The following CAMTA1 variants were observed in gnomAD, a reference collection of about 807,000 sequenced individuals.
The protein encoded by CAMTA1 is calmodulin binding transcription activator 1, also known as calmodulin-binding transcription activator 1.
In CAMTA1, 27 loss-of-function variants were observed where a neutral mutation model predicts 170.9. The ratio of observed to expected loss-of-function variants is 0.16; its 90% CI spans 0.12 to 0.22. The LOEUF is 0.22. Among genes scored for constraint, CAMTA1 ranks in the 10% least tolerant of loss-of-function variants. The pLI is 1.00. For synonymous variants in CAMTA1, 833 were observed against 891.5 expected (o/e 0.93, Z 1.17); for missense variants, 1,619 against 2,217.2 (o/e 0.73, Z 5.42).
At chr1:7,336,695 G>A (rs145735771) in intron 5 of CAMTA1, among the ~76,000 whole-genome samples, 3 of 152,346 alleles carry the variant, frequency 2.0e-5, no homozygotes, top group African/African-American at 7.2e-5. Flanking sequence ...AGGCCAGGGC[G>A]AGGAACCTGG....
chr1:7,753,062 C>T (rs80158237), intron 21 of CAMTA1, among the ~76,000 whole-genome samples: 4,778 of 152,188 alleles, frequency 0.031, 105 homozygotes, highest in Non-Finnish European at 0.053. Context: ...AAAGCCGGTC[C>T]GTGATGAGGA....
intron 3 of CAMTA1, among the ~76,000 whole-genome samples, chr1:6,976,923 T>A (rs1693533594): frequency 6.6e-6 from 1 of 152,130 alleles, no homozygotes; most frequent in South Asian, 2.1e-4. Flanking sequence ...ATCTGATGGT[T>A]TTATAAAGGG....
chr1:7,186,198 T>C (rs192130863), intron 4 of CAMTA1, among the ~76,000 whole-genome samples: 198 of 151,958 alleles, frequency 1.3e-3, no homozygotes, highest in Non-Finnish European at 1.8e-3. Flanking sequence ...GAAGGAAGGG[T>C]AAAGAAAGCA....
At position 7,274,668 on chromosome 1, in the gene CAMTA1, A is replaced by T. The variant is rs142199112; in HGVS notation, c.438+25042A>T. On this transcript the variant is annotated intron_variant, in intron 5 of 22. Coordinates refer to ENST00000303635, the MANE Select transcript of CAMTA1 (RefSeq NM_015215.4). Reference sequence around the variant, plus strand: ...TCTTACACATAGAACATTTATTAATATAAACTATATACTGTGTCATAAAAC... The same window carrying T: ...TCTTACACATAGAACATTTATTAATTTAAACTATATACTGTGTCATAAAAC... 2.3e-3 allele frequency among the ~76,000 whole-genome samples: 353 copies of T among 152,356 alleles called. 2 individuals are homozygous for T. Among genetic ancestry groups the T allele is most frequent in the African/African-American group, 8.2e-3 (341 of 41,584 alleles).
chr1:6,851,994 A>G (rs1280164861), intron 3 of CAMTA1, among the ~76,000 whole-genome samples: 2 of 149,222 alleles, frequency 1.3e-5, no homozygotes, highest in African/African-American at 4.9e-5. Flanking sequence ...AGCCTAGGTG[A>G]GAGTGAGACT....
chr1:7,018,232 C>T (rs909861816), intron 3 of CAMTA1, among the ~76,000 whole-genome samples: 3 of 148,982 alleles, frequency 2.0e-5, no homozygotes, highest in Non-Finnish European at 4.4e-5. Flanking sequence ...TCTCTCGACT[C>T]CTGGGTCAGA....
intron 4 of CAMTA1, among the ~76,000 whole-genome samples, chr1:7,201,756 A>G (rs930143847): frequency 6.6e-6 from 1 of 152,148 alleles, no homozygotes; most frequent in Non-Finnish European, 1.5e-5. Context: ...TTTATTATTA[A>G]GTTGTAAGAG....
Position 7,729,860 on chromosome 1 carries a change from C to T in CAMTA1, c.2915-2588C>T, listed in dbSNP as rs148997089. On this transcript the variant is annotated intron_variant, in intron 11 of 22. Transcript: ENST00000303635. ...CCTGTTGTTTTCTCTCACATGGAAC[C>T]GTCGTACGCTTTGCTCGCTAGTCTT... 2.4e-4 allele frequency among the ~76,000 whole-genome samples: 37 copies of T among 152,342 alleles called. No homozygotes were observed. In the East Asian group the frequency reaches 3.9e-3, roughly 16 times the overall value.
chr1:7,551,674 T>A (rs953753339), intron 6 of CAMTA1, among the ~76,000 whole-genome samples: 13 of 152,196 alleles, frequency 8.5e-5, no homozygotes, highest in African/African-American at 2.9e-4. Flanking sequence ...TAGGGCCTGA[T>A]CAGGCCTGGG....
At chr1:7,468,867 C>G (rs189571827) in intron 6 of CAMTA1, among the ~76,000 whole-genome samples, 35 of 152,284 alleles carry the variant, frequency 2.3e-4, no homozygotes, top group African/African-American at 7.0e-4. Context: ...GGAAGCAAGT[C>G]CCCCAGTGCT....
intron 5 of CAMTA1, among the ~76,000 whole-genome samples, chr1:7,261,892 G>A (rs1226023368): frequency 1.3e-5 from 2 of 152,348 alleles, no homozygotes; most frequent in Middle Eastern, 3.4e-3. Context: ...GTTAAATACT[G>A]TAATCTTTTC....
At chr1:6,827,490 G>A (rs561870361) in intron 3 of CAMTA1, among the ~76,000 whole-genome samples, 3 of 150,090 alleles carry the variant, frequency 2.0e-5, no homozygotes, top group Admixed American at 2.0e-4. Flanking sequence ...CTTACCCTAC[G>A]AATTGTTAAT....
At chr1:6,816,918 T>C (rs1645894541) in intron 1 of CAMTA1, among the ~76,000 whole-genome samples, 1 of 152,204 alleles carries the variant, frequency 6.6e-6, no homozygotes, top group African/African-American at 2.4e-5. Flanking sequence ...TTTTTGTGCT[T>C]TGGCTTGTTT....
intron 6 of CAMTA1, among the ~76,000 whole-genome samples, chr1:7,572,439 T>G (rs901561854): frequency 6.6e-6 from 1 of 152,214 alleles, no homozygotes; most frequent in African/African-American, 2.4e-5. Flanking sequence ...AATGGTATTT[T>G]CTAGCTTATC....
At chr1:7,701,841 C>T (rs192617904) in intron 11 of CAMTA1, among the ~76,000 whole-genome samples, 1 of 152,292 alleles carries the variant, frequency 6.6e-6, no homozygotes, top group East Asian at 1.9e-4. Flanking sequence ...CCCATAAAAA[C>T]CCAGTGTAAC....
Position 7,565,145 on chromosome 1 carries a change from T to C in CAMTA1, c.511-75255T>C, listed in dbSNP as rs1291467714. Among the ~76,000 whole-genome samples, 2 of 151,912 alleles carry C rather than the reference T, an allele frequency of 1.3e-5. No homozygotes were observed. Among genetic ancestry groups the C allele is most frequent in the African/African-American group, 2.4e-5 (1 of 41,350 alleles). On this transcript the variant is annotated intron_variant, in intron 6 of 22. Transcript: ENST00000303635. This position sits in a 1 kb window ranked among gnomAD's most constrained non-coding sequence, Gnocchi z 4.5. ...GCCAGTCACCTGTGCTACCTGGATA[T>C]ACCCCTCACACCCCCACCCTCCACT... is the stretch of plus-strand genomic sequence containing the variant.
At chr1:7,710,939 A>G (rs2149660595) in intron 11 of CAMTA1, among the ~76,000 whole-genome samples, 1 of 152,132 alleles carries the variant, frequency 6.6e-6, no homozygotes, top group South Asian at 2.1e-4. Flanking sequence ...GAATAAGGGG[A>G]CATGGTCCTC....
chr1:7,068,730 T>A (rs1370863187), intron 3 of CAMTA1, among the ~76,000 whole-genome samples: 1 of 152,158 alleles, frequency 6.6e-6, no homozygotes, highest in Admixed American at 6.5e-5. Context: ...AGGGCCTCTC[T>A]CAGTGGCAGG....
intron 11 of CAMTA1, among the ~76,000 whole-genome samples, chr1:7,708,376 T>G (rs1037306867): frequency 6.6e-6 from 1 of 152,066 alleles, no homozygotes; most frequent in Admixed American, 6.6e-5. Context: ...CTTTCACCTC[T>G]AATCTCTGCA....
Sources: gnomAD v4.1 joint callset for allele counts (sites outside exome capture counted in the v4.1 genomes callset) on GRCh38, gnomAD v4.1.1 for gene constraint, Gnocchi (gnomAD v3.1) non-coding constraint, MANE v1.5 for transcripts, NCBI Gene and HGNC (gene_info 2026-07-23, HGNC 2026-07-21) for gene names.